SH3YL1: variants seen among roughly 807,000 people sequenced by gnomAD.
SH3YL1 encodes the protein SH3 and SYLF domain containing 1.
A neutral mutation model predicts 45.8 loss-of-function variants in SH3YL1; 41 were observed. The observed-to-expected ratio is 0.89, with a 90% confidence interval of 0.70 to 1.16. The LOEUF is 1.16. Among genes scored for constraint, SH3YL1 ranks in the 50% most tolerant of loss-of-function variants. The probability of loss-of-function intolerance (pLI) is 0.00; values close to 1 mark genes in which losing one functional copy is unlikely to be tolerated. For missense variants in SH3YL1, 389 were observed against 409.6 expected, an observed-to-expected ratio of 0.95 and a Z score of 0.43; for synonymous variants, 152 against 151.4, an observed-to-expected ratio of 1.00 and a Z score of -0.03.
chr2:230,112 CT>C, intron 7 of SH3YL1, 68 bp from the exon 8 acceptor site: 1 of 1,244,526 alleles, frequency 8.0e-7, no homozygotes. Context: ...ACATATAACT[CT>C]TTTCTAATGA....
At chr2:234,385 G>T in intron 4 of SH3YL1, 113 bp from the exon 5 acceptor site, 1 of 703,350 alleles carries the variant, frequency 1.4e-6, no homozygotes, top group Non-Finnish European at 2.3e-6. Context: ...CATCAATAGA[G>T]ACAGGAAAGA....
intron 2 of SH3YL1, among the ~76,000 whole-genome samples, chr2:250,317 T>C (rs1043722348): frequency 6.6e-6 from 1 of 152,260 alleles, no homozygotes; most frequent in Non-Finnish European, 1.5e-5. Context: ...ATTAACCTTG[T>C]ATTAATATAA....
chr2:247,527 A>T lies in SH3YL1; in HGVS notation c.291+11T>A, dbSNP rs1419600020. On this transcript the variant is annotated intron_variant, in intron 4 of 9. Transcript: ENST00000356150. ...ATATGGCAGTTGTATGGACGTGCAC[A>T]AGCTACTTACCTCAATTCCTATTTC... 6.4e-7 allele frequency: 1 copy of T among 1,550,428 alleles called. No individual in the cohort carries two copies. Among genetic ancestry groups the T allele is most frequent in the African/African-American group, 1.4e-5 (1 of 73,018 alleles).
chr2:254,629 C>T (rs1437700925), intron 1 of SH3YL1, among the ~76,000 whole-genome samples: 4 of 152,202 alleles, frequency 2.6e-5, no homozygotes, highest in African/African-American at 7.2e-5. Flanking sequence ...CCCAGAATCA[C>T]TGAGCCAAGG....
intron 7 of SH3YL1, 22 bp downstream of exon 7, chr2:231,001 G>A: frequency 6.2e-7 from 1 of 1,612,276 alleles, no homozygotes; most frequent in Non-Finnish European, 8.5e-7. Context: ...AATACTGAGT[G>A]AAACATAAAA....
chr2:233,378 A>C, intron 5 of SH3YL1, 149 bp from the exon 6 acceptor site: 3 of 868,642 alleles, frequency 3.5e-6, no homozygotes, highest in Non-Finnish European at 4.8e-6. Flanking sequence ...GTAGGCCTAA[A>C]TTAGATGTTT....
intron 4 of SH3YL1, among the ~76,000 whole-genome samples, chr2:239,079 C>G (rs1309636143): frequency 6.6e-6 from 1 of 152,166 alleles, no homozygotes; most frequent in Non-Finnish European, 1.5e-5. Context: ...CAGCACGATG[C>G]AATAAGCTAT....
Position 218,940 on chromosome 2 carries a change from C to T in SH3YL1, c.900G>A (p.Gly300=), listed in dbSNP as rs1404845067. The change falls in exon 10 of 10, where the codon GGG becomes GGA. Residue 300 remains glycine, a synonymous_variant. Transcript: ENST00000356150. ...TGTCTCCAGCTTGAAAATTCAAATC[C>T]CCAGGCTGCTGTCCTTCAAATGAAT... ...ALYSFEGQQP[G]DLNFQAGDRI... is the part of the protein sequence containing the mutation. 1.2e-6 allele frequency: 2 copies of T among 1,613,832 alleles called. No individual in the cohort carries two copies. The highest frequency in any genetic ancestry group is 2.7e-5 in the African/African-American group (2 of 74,872).
intron 4 of SH3YL1, among the ~76,000 whole-genome samples, chr2:245,109 A>G (rs890731474): frequency 1.3e-5 from 2 of 152,154 alleles, no homozygotes; most frequent in Admixed American, 6.5e-5. Flanking sequence ...ACAGAATCAG[A>G]GAGTGCTTCA....
intron 8 of SH3YL1, among the ~76,000 whole-genome samples, chr2:229,708 G>C (rs1252614646): frequency 2.5e-5 from 3 of 121,842 alleles, no homozygotes; most frequent in South Asian, 5.3e-4. Flanking sequence ...CAGCCTGGGC[G>C]ACAGAGCGAG....
chr2:236,484 A>C (rs1668308507), intron 4 of SH3YL1, among the ~76,000 whole-genome samples: 1 of 152,132 alleles, frequency 6.6e-6, no homozygotes, highest in African/African-American at 2.4e-5. Flanking sequence ...CATGGGGCTA[A>C]GAATTTGGGC....
intron 4 of SH3YL1, 59 bp downstream of exon 4, chr2:247,479 T>G (rs1277959801): frequency 7.5e-7 from 1 of 1,334,594 alleles, no homozygotes; most frequent in Non-Finnish European, 1.0e-6. Flanking sequence ...TTTCACAGGT[T>G]GCATCTTAGG....
intron 9 of SH3YL1, 62 bp downstream of exon 9, chr2:224,802 A>T: frequency 1.7e-6 from 2 of 1,187,658 alleles, no homozygotes; most frequent in Non-Finnish European, 2.5e-6. Context: ...CAGATTAATT[A>T]GGAAGTTTGT....
chr2:252,588 TGATG>T (rs1669117067), intron 2 of SH3YL1, among the ~76,000 whole-genome samples: 1 of 152,174 alleles, frequency 6.6e-6, no homozygotes, highest in South Asian at 2.1e-4. Context: ...TGTTTTCTCA[TGATG>T]GGAGAAGTGG....
At chr2:257,726 G>T (rs1046406369) in intron 1 of SH3YL1, among the ~76,000 whole-genome samples, 6 of 152,160 alleles carry the variant, frequency 3.9e-5, no homozygotes, top group Non-Finnish European at 8.8e-5. Context: ...GGGGCTGCCC[G>T]ACTTGCATAT....
At chr2:221,931 T>C (rs1171783444) in intron 9 of SH3YL1, among the ~76,000 whole-genome samples, 1 of 152,138 alleles carries the variant, frequency 6.6e-6, no homozygotes, top group Non-Finnish European at 1.5e-5. Context: ...TTAATGTAAA[T>C]ATTAGAGATA....
At chr2:259,380 TA>T (rs772416074) in intron 1 of SH3YL1, 13 of 152,208 alleles carry the variant, frequency 8.5e-5, no homozygotes, top group Non-Finnish European at 1.8e-4. Context: ...TAAAAATTAA[TA>T]TTTTTTTGGA....
At chr2:226,306 A>G (rs1308573173) in intron 8 of SH3YL1, among the ~76,000 whole-genome samples, 1 of 152,236 alleles carries the variant, frequency 6.6e-6, no homozygotes, top group African/African-American at 2.4e-5. Flanking sequence ...AATGACCAAC[A>G]AAACCTATAA....
At chr2:220,435 TTTA>T (rs559022446) in intron 9 of SH3YL1, among the ~76,000 whole-genome samples, 21 of 152,176 alleles carry the variant, frequency 1.4e-4, no homozygotes, top group Non-Finnish European at 2.9e-4. Flanking sequence ...TTCTGTATAT[TTTA>T]TTTTGTCCTA....
Sources: gnomAD v4.1 joint callset for allele counts (sites outside exome capture counted in the v4.1 genomes callset) on GRCh38, gnomAD v4.1.1 for gene constraint, MANE v1.5 for transcripts, NCBI Gene and HGNC (gene_info 2026-07-23, HGNC 2026-07-21) for gene names.